Variants in MDN1 observed in about 807,000 individuals in gnomAD.
MDN1 encodes the protein midasin AAA ATPase 1.
A neutral mutation model predicts 669.2 loss-of-function variants in MDN1; 266 were observed. The ratio of observed to expected loss-of-function variants is 0.40; its 90% CI spans 0.36 to 0.44. The LOEUF (loss-of-function observed/expected upper bound fraction) is 0.44, where lower values mean the gene tolerates loss of function less well. Among genes scored for constraint, MDN1 ranks in the 20% least tolerant of loss-of-function variants. MDN1 has a pLI of 1.00. For missense variants in MDN1, 5,940 were observed against 6,754.0 expected (o/e 0.88, Z 4.22); for synonymous variants, 2,385 against 2,457.1 (o/e 0.97, Z 0.87).
intron 74 of MDN1, 47 bp downstream of exon 74, chr6:89,680,542 T>C (rs766058787): frequency 1.9e-6 from 3 of 1,596,664 alleles, no homozygotes; most frequent in African/African-American, 1.3e-5. Flanking sequence ...CCTGCGCCAC[T>C]GGGGAAAACA....
At chr6:89,805,641 G>A (rs1047486767) in intron 1 of MDN1, among the ~76,000 whole-genome samples, 7 of 152,116 alleles carry the variant, frequency 4.6e-5, no homozygotes, top group African/African-American at 1.2e-4. Context: ...AAAATTTAAC[G>A]AGTTTTGCCA....
intron 32 of MDN1, 65 bp from the exon 33 acceptor site, chr6:89,738,520 T>G: frequency 6.3e-7 from 1 of 1,574,960 alleles, no homozygotes. Context: ...AAAACAAGTC[T>G]TGAAAGAATG....
In MDN1 at chr6:89,652,711, G is replaced by C. The variant is rs114147282; in HGVS notation, c.15825+281C>G. On this transcript the variant is annotated intron_variant, in intron 94 of 101. Transcript: ENST00000369393. ...AAGATTCCTTACACAAGGATGGTTAGAAAAGTGGGATGTGAGTCCCAGAGG... is the reference window on the plus strand; with the variant it reads ...AAGATTCCTTACACAAGGATGGTTACAAAAGTGGGATGTGAGTCCCAGAGG... 2.7e-3 allele frequency among the ~76,000 whole-genome samples: 414 copies of C among 152,264 alleles called. 1 individual carries two copies. Among genetic ancestry groups the C allele is most frequent in the African/African-American group, 9.6e-3 (397 of 41,526 alleles).
chr6:89,687,010 T>C lies in MDN1; in HGVS notation c.11464A>G (p.Ser3822Gly). ...RKLELNCWSM[S>G]LDNTMKRHTE... ...TGGCGCTTCATAGTATTATCCAAAC[T>C]CATGGACCAGCAGCTGAAACGAGAA... Residue 3822 changes from serine to glycine, a missense_variant, in exon 69 of 102, where the codon AGT becomes GGT. Ser to Gly is a moderately conservative substitution (Grantham distance 56). Around this residue, in one of 5 missense-constraint regions of MDN1, gnomAD observed 2,280 missense variants for 2,576.3 expected, o/e 0.88. Transcript: ENST00000369393. 3.7e-6 allele frequency: 6 copies of C among 1,613,226 alleles called. No homozygotes were observed. Among genetic ancestry groups the C allele is most frequent in the Non-Finnish European group, 5.1e-6 (6 of 1,179,826 alleles).
In MDN1 at chr6:89,653,100, G is replaced by A. The variant is rs745542660; in HGVS notation, c.15717C>T (p.Asp5239=). The change falls in exon 94 of 102, where the codon GAC becomes GAT. Residue 5239 remains aspartate, a synonymous_variant. Transcript: ENST00000369393. Reference sequence around the variant, plus strand: ...CCTTATGGGCTTTGTCTGTTCTGGGGTCTTGGTCTTCCTCTGTTTTAACAG... The same window carrying A: ...CCTTATGGGCTTTGTCTGTTCTGGGATCTTGGTCTTCCTCTGTTTTAACAG... ...IQTVKTEEDQ[D]PRTDKAHKET... 37 of 1,614,028 alleles carry A rather than the reference G, an allele frequency of 2.3e-5. No homozygotes were observed. In the South Asian group the frequency reaches 4.1e-4, roughly 18 times the overall value.
chr6:89,696,603 T>G (rs1428646274), intron 59 of MDN1, 29 bp from the exon 60 acceptor site: 34 of 1,559,324 alleles, frequency 2.2e-5, no homozygotes, highest in Non-Finnish European at 2.7e-5. Flanking sequence ...GTCAATAACT[T>G]TTAGAAATTA....
chr6:89,789,698 T>C (rs1819148249), intron 7 of MDN1, 82 bp downstream of exon 7: 1 of 1,456,128 alleles, frequency 6.9e-7, no homozygotes, highest in Non-Finnish European at 9.2e-7. Flanking sequence ...GTTTAAATCA[T>C]CACCAGAATC....
intron 46 of MDN1, 69 bp from the exon 47 acceptor site, chr6:89,713,365 C>G: frequency 7.2e-7 from 1 of 1,393,942 alleles, no homozygotes; most frequent in Non-Finnish European, 9.8e-7. Context: ...TGGATAAATT[C>G]TGCCCTCCCA....
chr6:89,757,262 A>G (rs1817302245), intron 19 of MDN1, among the ~76,000 whole-genome samples: 1 of 152,208 alleles, frequency 6.6e-6, no homozygotes, highest in Admixed American at 6.5e-5. Flanking sequence ...TGTTCATGTC[A>G]GTGCTTAGTG....
intron 50 of MDN1, 45 bp from the exon 51 acceptor site, chr6:89,708,673 A>T: frequency 6.3e-7 from 1 of 1,593,036 alleles, no homozygotes; most frequent in South Asian, 1.1e-5. Context: ...ATATTGGAGA[A>T]ACTCCTTGCC....
chr6:89,672,120 C>T (rs914923601), intron 82 of MDN1, 80 bp downstream of exon 82: 90 of 1,415,500 alleles, frequency 6.4e-5, no homozygotes, highest in Non-Finnish European at 7.6e-5. Context: ...CACTTATCTA[C>T]GTGGAGGGAA....
At chr6:89,708,751 T>C (rs911371872) in intron 50 of MDN1, 123 bp from the exon 51 acceptor site, 31 of 1,056,288 alleles carry the variant, frequency 2.9e-5, no homozygotes, top group African/African-American at 4.7e-5. Flanking sequence ...GGGGAAGAGG[T>C]TGAACCAGTA....
chr6:89,784,418 CT>C (rs1311176443), intron 9 of MDN1, among the ~76,000 whole-genome samples: 1 of 152,200 alleles, frequency 6.6e-6, no homozygotes, highest in Admixed American at 6.5e-5. Context: ...TCTTCCATGT[CT>C]GAATGACCAC....
intron 7 of MDN1, 42 bp from the exon 8 acceptor site, chr6:89,787,999 T>C: frequency 6.7e-7 from 1 of 1,494,592 alleles, no homozygotes; most frequent in Non-Finnish European, 9.3e-7. Flanking sequence ...AGTAAAGCTA[T>C]TAAGACAGAA....
intron 17 of MDN1, among the ~76,000 whole-genome samples, chr6:89,760,339 C>T (rs969691891): frequency 3.3e-5 from 5 of 151,874 alleles, no homozygotes; most frequent in South Asian, 2.1e-4. Context: ...ATGAAGTGAA[C>T]GGGTCCAAAT....
intron 8 of MDN1, among the ~76,000 whole-genome samples, chr6:89,786,924 CAAAAA>C (rs35077997): frequency 1.3e-5 from 1 of 76,574 alleles, no homozygotes. Flanking sequence ...GACTCCATCT[CAAAAA>C]AAAAAAAAAA....
At chr6:89,676,636 A>G (rs1014462413) in intron 76 of MDN1, among the ~76,000 whole-genome samples, 1 of 152,210 alleles carries the variant, frequency 6.6e-6, no homozygotes, top group Non-Finnish European at 1.5e-5. Flanking sequence ...AAAAGGAGGA[A>G]ACTACTATTC....
intron 83 of MDN1, among the ~76,000 whole-genome samples, chr6:89,669,598 T>C (rs961647712): frequency 2.0e-5 from 3 of 152,126 alleles, no homozygotes; most frequent in Admixed American, 2.0e-4. Flanking sequence ...CTCATCTGTA[T>C]TAAGCTTGGA....
intron 33 of MDN1, among the ~76,000 whole-genome samples, chr6:89,737,810 A>C (rs1816076140): frequency 6.9e-6 from 1 of 145,436 alleles, no homozygotes; most frequent in South Asian, 2.2e-4. Context: ...TGCAACCTCC[A>C]CTTCCCAGGT....
Sources: allele counts gnomAD v4.1 joint callset (sites outside exome capture counted in the v4.1 genomes callset), GRCh38; gene constraint gnomAD v4.1.1; regional missense constraint gnomAD v4.1.1; transcripts MANE v1.5; gene names NCBI Gene and HGNC (gene_info 2026-07-23, HGNC 2026-07-21).